The following DOK5 variants were observed in gnomAD, a reference collection of about 807,000 sequenced individuals.
The protein encoded by DOK5 is downstream of tyrosine kinase 5.
Under a neutral mutation model 43.3 loss-of-function variants are expected in DOK5, and 27 were observed. That is an observed-to-expected ratio of 0.62 (90% CI 0.46 to 0.86). The LOEUF is 0.86. DOK5 is among the 40% of genes least tolerant of loss of function. DOK5 has a pLI of 0.00. For missense variants in DOK5, 373 were observed against 392.9 expected (o/e 0.95, Z 0.43); for synonymous variants, 146 against 140.1 (o/e 1.04, Z -0.30).
In DOK5 at chr20:54,643,462, A is replaced by T. The variant is rs1463869441; in HGVS notation, c.740A>T (p.Gln247Leu). Residue 247 changes from glutamine (Q) to leucine (L), a missense_variant, in exon 7 of 8, where the codon CAG becomes CTG. Coordinates refer to ENST00000262593, the MANE Select transcript of DOK5 (RefSeq NM_018431.5). ...CTTTCTTCCCTTTGGCTGCAGCTCC[A>T]GATGAAGATGAGTGAGCGGGCCGCC... ...LLQSVKNSMLQMKMSERAASL... is the reference protein window; with the variant it reads ...LLQSVKNSMLLMKMSERAASL... The T allele has an allele frequency of 3.1e-6, 5 of 1,613,542 alleles. No individual in the cohort carries two copies. Among genetic ancestry groups the T allele is most frequent in the Non-Finnish European group, 4.2e-6 (5 of 1,180,028 alleles).
intron 4 of DOK5, among the ~76,000 whole-genome samples, chr20:54,590,125 C>T (rs1985933849): frequency 6.6e-6 from 1 of 152,204 alleles, no homozygotes; most frequent in African/African-American, 2.4e-5. Context: ...AAGCAGTATC[C>T]TGACAGCACC....
intron 2 of DOK5, among the ~76,000 whole-genome samples, chr20:54,558,763 T>A (rs1984800644): frequency 6.6e-6 from 1 of 152,170 alleles, no homozygotes; most frequent in Non-Finnish European, 1.5e-5. Context: ...TTAGCCTTTA[T>A]AAGAGCACAG....
chr20:54,479,741 C>A (rs1288286577), intron 1 of DOK5, among the ~76,000 whole-genome samples: 1 of 152,156 alleles, frequency 6.6e-6, no homozygotes, highest in East Asian at 1.9e-4. Flanking sequence ...CATGTAAATT[C>A]TCCTGTCTAT....
At chr20:54,633,406 A>G (rs1225843608) in intron 6 of DOK5, among the ~76,000 whole-genome samples, 1 of 152,182 alleles carries the variant, frequency 6.6e-6, no homozygotes, top group Non-Finnish European at 1.5e-5. Flanking sequence ...GGCTGGCTTC[A>G]CTTGGAATGT....
chr20:54,618,173 T>C (rs997648318), intron 6 of DOK5, among the ~76,000 whole-genome samples: 4 of 152,182 alleles, frequency 2.6e-5, no homozygotes, highest in African/African-American at 9.6e-5. Context: ...ATGTTCAGCA[T>C]GGCGAAGTCA....
chr20:54,516,947 TCA>T (rs1651830756), intron 1 of DOK5, among the ~76,000 whole-genome samples: 1 of 152,256 alleles, frequency 6.6e-6, no homozygotes, highest in African/African-American at 2.4e-5. Flanking sequence ...TCTCCTGGGC[TCA>T]GAGTCCCTCG....
At chr20:54,511,446 G>C (rs1170730129) in intron 1 of DOK5, among the ~76,000 whole-genome samples, 1 of 152,216 alleles carries the variant, frequency 6.6e-6, no homozygotes, top group Non-Finnish European at 1.5e-5. Flanking sequence ...AAGTAAAGTA[G>C]AAAAGGTGGT....
intron 5 of DOK5, among the ~76,000 whole-genome samples, chr20:54,604,392 T>C (rs1454183032): frequency 6.6e-6 from 1 of 152,088 alleles, no homozygotes; most frequent in African/African-American, 2.4e-5. Context: ...AGATTTTCAT[T>C]TTCCCAACGC....
Position 54,500,803 on chromosome 20 carries a change from C to T in DOK5, c.66+24791C>T, listed in dbSNP as rs183342118. 1.6e-3 allele frequency among the ~76,000 whole-genome samples: 246 copies of T among 152,172 alleles called. 1 individual carries two copies. Among genetic ancestry groups the T allele is most frequent in the African/African-American group, 5.4e-3 (225 of 41,536 alleles). ...CTCGAACTCCCAACCTCAGGTGATT[C>T]GCCTGTCTCAGCCTCCCAAAGTGCT... On this transcript the variant is annotated intron_variant, in intron 1 of 7. Transcript: ENST00000262593.
chr20:54,631,070 A>G (rs1361477181), intron 6 of DOK5, among the ~76,000 whole-genome samples: 1 of 152,384 alleles, frequency 6.6e-6, no homozygotes, highest in South Asian at 2.1e-4. Context: ...AGATCCAGAC[A>G]TTGAAATGAT....
intron 1 of DOK5, among the ~76,000 whole-genome samples, chr20:54,537,842 T>G (rs1363095941): frequency 7.0e-6 from 1 of 142,794 alleles, no homozygotes; most frequent in Non-Finnish European, 1.5e-5. Flanking sequence ...TTTTTTTTTT[T>G]TTTTTTTTTT....
intron 1 of DOK5, among the ~76,000 whole-genome samples, chr20:54,493,059 CAAA>C (rs66973631): frequency 6.7e-5 from 4 of 59,516 alleles, no homozygotes; most frequent in Non-Finnish European, 6.8e-5. Flanking sequence ...TGTCCCCCTC[CAAA>C]AAAAAAAAAA....
chr20:54,564,748 G>GT (rs1340416547), intron 2 of DOK5, among the ~76,000 whole-genome samples: 3 of 152,208 alleles, frequency 2.0e-5, no homozygotes, highest in African/African-American at 7.2e-5. Context: ...GATATCACCT[G>GT]TGAGTTGCAA....
chr20:54,603,621 T>C (rs1986367105), intron 5 of DOK5, among the ~76,000 whole-genome samples: 1 of 152,210 alleles, frequency 6.6e-6, no homozygotes, highest in Admixed American at 6.5e-5. Context: ...TGCAGGGTAC[T>C]ACTGGCATCT....
chr20:54,621,614 G>A (rs372327116), intron 6 of DOK5, among the ~76,000 whole-genome samples: 1 of 151,494 alleles, frequency 6.6e-6, no homozygotes, highest in Non-Finnish European at 1.5e-5. Flanking sequence ...GCTTGAACCC[G>A]GAAAGTGGAG....
At chr20:54,482,970 T>TAC (rs1223463187) in intron 1 of DOK5, among the ~76,000 whole-genome samples, 3 of 152,234 alleles carry the variant, frequency 2.0e-5, no homozygotes, top group African/African-American at 7.2e-5. Context: ...TGCATATATA[T>TAC]ACATGCATCA....
chr20:54,587,899 A>T (rs1302306687), intron 2 of DOK5, among the ~76,000 whole-genome samples: 1 of 152,196 alleles, frequency 6.6e-6, no homozygotes, highest in East Asian at 1.9e-4. Context: ...AACCAAATTC[A>T]TTATGTACTT....
intron 6 of DOK5, among the ~76,000 whole-genome samples, chr20:54,622,664 G>A (rs910498374): frequency 1.3e-5 from 2 of 152,184 alleles, no homozygotes; most frequent in African/African-American, 4.8e-5. Context: ...TCAGTAGGCA[G>A]TACATTGCGA....
At chr20:54,550,879 T>TA (rs1984506690) in intron 1 of DOK5, among the ~76,000 whole-genome samples, 1 of 152,056 alleles carries the variant, frequency 6.6e-6, no homozygotes, top group South Asian at 2.1e-4. Flanking sequence ...ATTTTTTTTT[T>TA]ATGTGGGGAT....
Sources: allele counts gnomAD v4.1 joint callset (sites outside exome capture counted in the v4.1 genomes callset), GRCh38; gene constraint gnomAD v4.1.1; transcripts MANE v1.5; gene names NCBI Gene and HGNC (gene_info 2026-07-23, HGNC 2026-07-21).